The following PRMT1 variants were observed in gnomAD, a reference collection of about 807,000 sequenced individuals.
PRMT1 encodes the protein protein arginine N-methyltransferase 1.
In PRMT1, 5 loss-of-function variants were observed where a neutral mutation model predicts 47.4. The ratio of observed to expected loss-of-function variants is 0.11; its 90% CI spans 0.06 to 0.22. PRMT1 has a LOEUF of 0.22. Ranked by LOEUF, PRMT1 falls within the 10% of genes least tolerant of loss-of-function variation. PRMT1 has a pLI of 1.00. For missense variants in PRMT1, 249 were observed against 518.4 expected, an observed-to-expected ratio of 0.48 and a Z score of 5.05; for synonymous variants, 227 against 204.6, an observed-to-expected ratio of 1.11 and a Z score of -0.94.
chr19:49,677,458 C>G (rs892023048), intron 1 of PRMT1, 142 bp downstream of exon 1: 1 of 638,856 alleles, frequency 1.6e-6, no homozygotes, highest in Middle Eastern at 2.7e-4. Context: ...CGTTCCACAT[C>G]CGGGGATATC....
Position 49,686,089 on chromosome 19 carries a change from G to A in PRMT1, c.760-4G>A. 3 of 1,612,568 alleles carry A rather than the reference G, an allele frequency of 1.9e-6. No individual in the cohort carries two copies. The highest frequency in any genetic ancestry group is 2.5e-6 in the Non-Finnish European group (3 of 1,179,222). On this transcript the variant is annotated splice_region_variant and splice_polypyrimidine_tract_variant and intron_variant, in intron 8 of 10. Coordinates refer to ENST00000454376, the MANE Select transcript of PRMT1 (RefSeq NM_001536.6). ...CCCGGAGCTCGCCCTCTCATGTCCTGCAGGAGGTGGACATCTATACCGTCA... is the reference window on the plus strand; with the variant it reads ...CCCGGAGCTCGCCCTCTCATGTCCTACAGGAGGTGGACATCTATACCGTCA...
rs1478128355 is a variant in PRMT1, at chr19:49,685,564, G to A, written c.759+527G>A. ...CCTGTTTAAAAAAAAAAAATACGGCGATGAGTATTTGTTGAGCTGGGATGT... is the reference window on the plus strand; with the variant it reads ...CCTGTTTAAAAAAAAAAAATACGGCAATGAGTATTTGTTGAGCTGGGATGT... On this transcript the variant is annotated intron_variant, in intron 8 of 10. Coordinates refer to ENST00000454376, the MANE Select transcript of PRMT1 (RefSeq NM_001536.6). This position sits in a 1 kb window ranked among gnomAD's most constrained non-coding sequence, Gnocchi z 4.7. 2.6e-5 allele frequency: 27 copies of A among 1,022,124 alleles called. No individual in the cohort carries two copies. The highest frequency in any genetic ancestry group is 9.8e-4 in the Middle Eastern group (2 of 2,034). The allele number at this position is 1,022,124 out of a possible 1,614,324, so 63.3% of individuals were successfully genotyped here.
Position 49,688,133 on chromosome 19 carries a change from C to A in PRMT1, c.1033-29C>A. On this transcript the variant is annotated intron_variant, in intron 10 of 10. Coordinates refer to ENST00000454376, the MANE Select transcript of PRMT1 (RefSeq NM_001536.6). The surrounding 1 kb of genome is among the most constrained non-coding windows in gnomAD (Gnocchi z 5.3). ...CCCCGCCACCACCTCCTGGTGGGTT[C>A]CGCCCTCATGCCCCACCTCTCCCTG... 1 of 1,601,974 alleles carries A rather than the reference C, an allele frequency of 6.2e-7. No individual in the cohort carries two copies. The highest frequency in any genetic ancestry group is 8.5e-7 in the Non-Finnish European group (1 of 1,170,568).
chr19:49,686,131 C>T lies in PRMT1; in HGVS notation c.798C>T (p.Thr266=). The T allele has an allele frequency of 6.2e-7, 1 of 1,614,064 alleles. No individual in the cohort carries two copies. Among genetic ancestry groups the T allele is most frequent in the Non-Finnish European group, 8.5e-7 (1 of 1,179,958 alleles). ...ATACCGTCAAGGTGGAAGACCTGAC[C>T]TTCACCTCCCCGTTCTGCCTGCAAG... ...DIYTVKVEDL[T]FTSPFCLQVK... is the part of the protein sequence containing the mutation. Residue 266 remains threonine (T), a synonymous_variant, in exon 9 of 11, where the codon ACC becomes ACT. Transcript: ENST00000454376.
intron 5 of PRMT1, 128 bp from the exon 6 acceptor site, chr19:49,683,798 AG>A: frequency 9.7e-7 from 1 of 1,030,884 alleles, no homozygotes; most frequent in South Asian, 1.6e-5. Context: ...AACTGTTAGA[AG>A]GGTTCATGGC....
chr19:49,680,725 C>CCT lies in PRMT1; in HGVS notation c.192+138_192+139dup. 2.9e-6 allele frequency: 2 copies of CCT among 678,990 alleles called. No homozygotes were observed. Among genetic ancestry groups the CCT allele is most frequent in the Non-Finnish European group, 5.1e-6 (2 of 393,292 alleles). The allele number at this position is 678,990 out of a possible 1,614,324, so 42.1% of individuals were successfully genotyped here. On this transcript the variant is annotated intron_variant, in intron 3 of 10. Coordinates refer to ENST00000454376, the MANE Select transcript of PRMT1 (RefSeq NM_001536.6). This position sits in a 1 kb window ranked among gnomAD's most constrained non-coding sequence, Gnocchi z 4.2. ...CCCCCTGCCCCTCTGCTGCGCACTT[C>CCT]CTAGGGTCGCCTCGCCAAGCCGTTG... is the stretch of plus-strand genomic sequence containing the variant.
chr19:49,676,963 G>T, upstream of PRMT1: 1 of 326,936 alleles, frequency 3.1e-6, no homozygotes, highest in Non-Finnish European at 5.5e-6. Context: ...TGGGTGTAAA[G>T]GGGAGGGCAT....
intron 8 of PRMT1, 91 bp from the exon 9 acceptor site, chr19:49,686,002 G>A: frequency 1.3e-6 from 2 of 1,534,188 alleles, no homozygotes; most frequent in Non-Finnish European, 8.7e-7. Context: ...GGGACAGCGA[G>A]GTCACAGGCC....
chr19:49,682,423 T>G (rs1039570648), intron 5 of PRMT1, among the ~76,000 whole-genome samples, 164 bp downstream of exon 5: 12 of 152,112 alleles, frequency 7.9e-5, no homozygotes, highest in African/African-American at 2.9e-4. Context: ...AGTGTCAAAA[T>G]CACAGGCTTA....
intron 1 of PRMT1, among the ~76,000 whole-genome samples, chr19:49,678,450 A>G (rs1009105364): frequency 2.0e-5 from 3 of 152,012 alleles, no homozygotes; most frequent in African/African-American, 7.3e-5. Flanking sequence ...GGTAGTTTTC[A>G]GTGGTATTGA....
intron 1 of PRMT1, 71 bp downstream of exon 1, chr19:49,677,387 A>G: frequency 7.7e-7 from 1 of 1,305,076 alleles, no homozygotes; most frequent in Non-Finnish European, 9.9e-7. Context: ...TGTGGTGGGG[A>G]AAGGGCTCTA....
chr19:49,687,662 A>G (rs76426000), intron 10 of PRMT1, among the ~76,000 whole-genome samples: 1 of 152,072 alleles, frequency 6.6e-6, no homozygotes, highest in Non-Finnish European at 1.5e-5. Flanking sequence ...AGACTCATGC[A>G]GCCCCCGGGA....
chr19:49,687,395 G>A (rs2082223575), intron 10 of PRMT1, among the ~76,000 whole-genome samples: 1 of 152,028 alleles, frequency 6.6e-6, no homozygotes, highest in African/African-American at 2.4e-5. Context: ...GGTCCCGGCC[G>A]ATGGGTGCGA....
chr19:49,678,080 C>T (rs894087393), intron 1 of PRMT1: 1 of 152,096 alleles, frequency 6.6e-6, no homozygotes, highest in Admixed American at 6.5e-5. Context: ...CGTGCACCCC[C>T]TTGTGGCCAT....
rs559855409 is a variant in PRMT1, at chr19:49,688,065, G to T, written c.1033-97G>T. On this transcript the variant is annotated intron_variant, in intron 10 of 10. Coordinates refer to ENST00000454376, the MANE Select transcript of PRMT1 (RefSeq NM_001536.6). This position sits in a 1 kb window ranked among gnomAD's most constrained non-coding sequence, Gnocchi z 5.3. Reference sequence around the variant, plus strand: ...TCTGCAGCGTGGAGATGGGCAGGAAGCTGGAGCCCGGCTCATCGTCGCATA... The same window carrying T: ...TCTGCAGCGTGGAGATGGGCAGGAATCTGGAGCCCGGCTCATCGTCGCATA... 1 of 1,095,252 alleles carries T rather than the reference G, an allele frequency of 9.1e-7. No individual in the cohort carries two copies. Among genetic ancestry groups the T allele is most frequent in the East Asian group, 2.4e-5 (1 of 42,480 alleles). The allele number at this position is 1,095,252 out of a possible 1,614,324, so 67.8% of individuals were successfully genotyped here. A position where few individuals can be genotyped will look rare whatever the true frequency, so the allele number is the denominator to read the frequency against.
Position 49,688,324 on chromosome 19 carries a change from C to G in PRMT1, c.*79C>G, listed in dbSNP as rs935487498. 1 of 1,410,518 alleles carries G rather than the reference C, an allele frequency of 7.1e-7. No homozygotes were observed. Among genetic ancestry groups the G allele is most frequent in the Admixed American group, 1.7e-5 (1 of 59,426 alleles). The allele number at this position is 1,410,518 out of a possible 1,614,324, so 87.4% of individuals were successfully genotyped here. On this transcript the variant is annotated 3_prime_UTR_variant, in exon 11 of 11. Coordinates refer to ENST00000454376, the MANE Select transcript of PRMT1 (RefSeq NM_001536.6). The surrounding 1 kb of genome is among the most constrained non-coding windows in gnomAD (Gnocchi z 5.3). Reference sequence around the variant, plus strand: ...TTCGGGGCTCCCCCTTCCTCTCCCTCCCTCCCGCAGAAGGGGGTTTTAGGG... The same window carrying G: ...TTCGGGGCTCCCCCTTCCTCTCCCTGCCTCCCGCAGAAGGGGGTTTTAGGG...
intron 5 of PRMT1, chr19:49,683,680 T>G: frequency 8.2e-6 from 3 of 365,902 alleles, no homozygotes; most frequent in South Asian, 7.4e-5. Flanking sequence ...AGAGCAAGAC[T>G]CCGTCTCAAA....
chr19:49,683,852 C>T, intron 5 of PRMT1, 75 bp from the exon 6 acceptor site: 1 of 1,538,926 alleles, frequency 6.5e-7, no homozygotes, highest in Non-Finnish European at 8.8e-7. Flanking sequence ...GGTCCCCAGG[C>T]TCTAGCCCCC....
chr19:49,684,290 A>G lies in PRMT1; in HGVS notation c.555+221A>G, dbSNP rs995702269. Among the ~76,000 whole-genome samples, 4 of 151,446 alleles carry G rather than the reference A, an allele frequency of 2.6e-5. No homozygotes were observed. Among genetic ancestry groups the G allele is most frequent in the South Asian group, 2.1e-4 (1 of 4,792 alleles). Reference sequence around the variant, plus strand: ...GAAATCCGTAGCGGCGCAATAGCCCAGGTCCTTAGGCCCCAGCAGGCCTCC... The same window carrying G: ...GAAATCCGTAGCGGCGCAATAGCCCGGGTCCTTAGGCCCCAGCAGGCCTCC... On this transcript the variant is annotated intron_variant, in intron 6 of 10. Coordinates refer to ENST00000454376, the MANE Select transcript of PRMT1 (RefSeq NM_001536.6). The surrounding 1 kb of genome is among the most constrained non-coding windows in gnomAD (Gnocchi z 6.2).
Sources: allele counts gnomAD v4.1 joint callset (sites outside exome capture counted in the v4.1 genomes callset), GRCh38; gene constraint gnomAD v4.1.1; non-coding constraint Gnocchi (gnomAD v3.1); transcripts MANE v1.5; gene names NCBI Gene and HGNC (gene_info 2026-07-23, HGNC 2026-07-21).